Variants in GARS1 observed in about 807,000 individuals in gnomAD.
GARS1 encodes glycyl-tRNA synthetase 1.
GARS1 carries 46 observed loss-of-function variants against 86.4 expected under a neutral mutation model. That is an observed-to-expected ratio of 0.53 (90% CI 0.42 to 0.68). The LOEUF is 0.68. Among genes scored for constraint, GARS1 ranks in the 30% least tolerant of loss-of-function variants. GARS1 has a pLI of 0.00. For synonymous variants in GARS1, 342 were observed against 329.8 expected (o/e 1.04, Z -0.40); for missense variants, 797 against 915.6 (o/e 0.87, Z 1.67).
In GARS1 at chr7:30,621,759, G is replaced by A. The variant is rs915172546; in HGVS notation, c.1467+259G>A. 11 of 550,806 alleles carry A rather than the reference G, an allele frequency of 2.0e-5. No individual in the cohort carries two copies. The South Asian group carries it at 2.0e-4, about 10-fold the overall frequency. 34.1% of individuals were successfully genotyped at this position (550,806 alleles called of 1,614,324 possible). On this transcript the variant is annotated intron_variant, in intron 11 of 16. Coordinates refer to ENST00000389266, the MANE Select transcript of GARS1 (RefSeq NM_002047.4). ...AAATGCTCTGAATATCTTTCAGAAC[G>A]TTAATAGTTTTTCTCAGCTGTTTCC...
At chr7:30,631,161 T>A (rs1033177824) in intron 14 of GARS1, 4 of 340,556 alleles carry the variant, frequency 1.2e-5, no homozygotes, top group Non-Finnish European at 2.3e-5. Flanking sequence ...GTAACGGGCT[T>A]GTGAAGCAAG....
At chr7:30,614,928 G>C (rs185384468) in intron 8 of GARS1, among the ~76,000 whole-genome samples, 1 of 151,998 alleles carries the variant, frequency 6.6e-6, no homozygotes, top group East Asian at 1.9e-4. Flanking sequence ...GTATTTTTAG[G>C]ATCCATTTAA....
In GARS1 at chr7:30,601,051, T is replaced by C; in HGVS notation, c.428-8T>C. The C allele has an allele frequency of 6.2e-7, 1 of 1,613,746 alleles. No individual in the cohort carries two copies. Among genetic ancestry groups the C allele is most frequent in the Non-Finnish European group, 8.5e-7 (1 of 1,179,644 alleles). Reference sequence around the variant, plus strand: ...GTAAAGTATGTGTTTTCCTCTCATATTCTATAGGTGTTAGTGGTCTGTATG... The same window carrying C: ...GTAAAGTATGTGTTTTCCTCTCATACTCTATAGGTGTTAGTGGTCTGTATG... On this transcript the variant is annotated splice_polypyrimidine_tract_variant and splice_region_variant and intron_variant, in intron 3 of 16. Coordinates refer to ENST00000389266, the MANE Select transcript of GARS1 (RefSeq NM_002047.4).
chr7:30,597,312 T>C (rs75859574), intron 1 of GARS1, among the ~76,000 whole-genome samples: 1 of 152,332 alleles, frequency 6.6e-6, no homozygotes, highest in East Asian at 1.9e-4. Context: ...ATAGATTTAT[T>C]CTGACAGTAC....
At chr7:30,596,914 C>T (rs1341104377) in intron 1 of GARS1, among the ~76,000 whole-genome samples, 2 of 152,176 alleles carry the variant, frequency 1.3e-5, no homozygotes. Context: ...CAATTGAAAA[C>T]CTTTCCGGAG....
Position 30,598,913 on chromosome 7 carries a change from C to G in GARS1, c.324+16C>G, listed in dbSNP as rs1348124819. On this transcript the variant is annotated intron_variant, in intron 2 of 16. Coordinates refer to ENST00000389266, the MANE Select transcript of GARS1 (RefSeq NM_002047.4). ...GGAAGCAAAGGTGAGTCCTGGGATG[C>G]TAAAATAGGAACATAAGTAGGTATA... 1 of 1,583,060 alleles carries G rather than the reference C, an allele frequency of 6.3e-7. No individual in the cohort carries two copies. Among genetic ancestry groups the G allele is most frequent in the East Asian group, 2.2e-5 (1 of 44,712 alleles).
chr7:30,603,642 G>A, intron 6 of GARS1, 70 bp downstream of exon 6: 1 of 1,104,636 alleles, frequency 9.1e-7, no homozygotes, highest in Non-Finnish European at 1.4e-6. Flanking sequence ...TTTAATGACT[G>A]TTGCATTTCC....
At chr7:30,600,842 C>T (rs913094884) in intron 3 of GARS1, among the ~76,000 whole-genome samples, 8 of 152,206 alleles carry the variant, frequency 5.3e-5, no homozygotes, top group African/African-American at 1.9e-4. Context: ...GCTAGTCCTA[C>T]TTGAAATTAC....
Position 30,621,419 on chromosome 7 carries a change from T to G in GARS1, c.1386T>G (p.Ala462=). 6.2e-7 allele frequency: 1 copy of G among 1,614,196 alleles called. No homozygotes were observed. The highest frequency in any genetic ancestry group is 8.5e-7 in the Non-Finnish European group (1 of 1,180,006). The part of the protein sequence containing the change: ...SYGWIEIVGC[A]DRSCYDLSCH... ...GTTGGATTGAGATTGTTGGATGTGC[T>G]GATCGTTCCTGTTATGACCTCTCCT... is the stretch of plus-strand genomic sequence containing the variant. The change falls in exon 11 of 17, where the codon GCT becomes GCG. Residue 462 remains alanine, a synonymous_variant. Transcript: ENST00000389266.
In GARS1 at chr7:30,599,986, G is replaced by A. The variant is rs1296300317; in HGVS notation, c.364G>A (p.Ala122Thr). Residue 122 changes from alanine to threonine, a missense_variant, in exon 3 of 17, where the codon GCA becomes ACA. Ala to Thr is a moderately conservative substitution (Grantham distance 58, BLOSUM62 0). Coordinates refer to ENST00000389266, the MANE Select transcript of GARS1 (RefSeq NM_002047.4). ...GCCCAAAGATGATATTGTAGACCGA[G>A]CAAAAATGGAAGATACCCTGAAGAG... ...LQPKDDIVDR[A>T]KMEDTLKRRF... 7 of 1,613,716 alleles carry A rather than the reference G, an allele frequency of 4.3e-6. No individual in the cohort carries two copies. Among genetic ancestry groups the A allele is most frequent in the East Asian group, 2.2e-5 (1 of 44,868 alleles).
chr7:30,600,516 A>G (rs920416348), intron 3 of GARS1, among the ~76,000 whole-genome samples: 1 of 152,232 alleles, frequency 6.6e-6, no homozygotes, highest in Non-Finnish European at 1.5e-5. Context: ...GAAGGTATAT[A>G]GGCAAATACA....
At chr7:30,633,366 C>T (rs1001540652) in intron 16 of GARS1, among the ~76,000 whole-genome samples, 4 of 152,236 alleles carry the variant, frequency 2.6e-5, no homozygotes, top group Non-Finnish European at 5.9e-5. Flanking sequence ...AGAACCATTG[C>T]TGTGTGGCAG....
chr7:30,612,780 C>T (rs1046681501), intron 8 of GARS1, among the ~76,000 whole-genome samples: 4 of 152,148 alleles, frequency 2.6e-5, no homozygotes, highest in Non-Finnish European at 5.9e-5. Flanking sequence ...CAAGCTTACC[C>T]TCATCACTCA....
At chr7:30,618,619 G>C (rs565434784) in intron 10 of GARS1, among the ~76,000 whole-genome samples, 1 of 152,200 alleles carries the variant, frequency 6.6e-6, no homozygotes, top group African/African-American at 2.4e-5. Flanking sequence ...GGGTGACAGA[G>C]TGAGGCCCTG....
At chr7:30,595,292 C>A (rs188159858) in intron 1 of GARS1, 149 bp downstream of exon 1, 4 of 814,280 alleles carry the variant, frequency 4.9e-6, no homozygotes, top group Admixed American at 4.3e-5. Flanking sequence ...TCGCCTCCCC[C>A]ACTTTGGTCC....
At position 30,628,677 on chromosome 7, in the gene GARS1, G is replaced by A. The variant is rs766137918; in HGVS notation, c.1809+8G>A. On this transcript the variant is annotated splice_region_variant and intron_variant, in intron 14 of 16. Coordinates refer to ENST00000389266, the MANE Select transcript of GARS1 (RefSeq NM_002047.4). Reference sequence around the variant, plus strand: ...GGAGATGAACAGAGAACAGTAAGTTGTTGTGTACAGTGTGCTGTTATAGTG... The same window carrying A: ...GGAGATGAACAGAGAACAGTAAGTTATTGTGTACAGTGTGCTGTTATAGTG... The A allele has an allele frequency of 1.9e-6, 3 of 1,559,972 alleles. No homozygotes were observed. The highest frequency in any genetic ancestry group is 1.7e-5 in the Admixed American group (1 of 59,886).
At chr7:30,618,399 C>T (rs761787260) in intron 10 of GARS1, among the ~76,000 whole-genome samples, 14 of 151,966 alleles carry the variant, frequency 9.2e-5, no homozygotes, top group Non-Finnish European at 2.1e-4. Flanking sequence ...TTTGGGAGGC[C>T]GAGGTGGGAA....
chr7:30,615,462 T>A (rs1782873007), intron 8 of GARS1, among the ~76,000 whole-genome samples: 1 of 152,252 alleles, frequency 6.6e-6, no homozygotes, highest in Non-Finnish European at 1.5e-5. Context: ...ATGTGATTTT[T>A]GCGTATGTTT....
Position 30,601,081 on chromosome 7 carries a change from T to C in GARS1, c.450T>C (p.Phe150=), listed in dbSNP as rs751505742. The C allele has an allele frequency of 3.1e-6, 5 of 1,614,084 alleles. No individual in the cohort carries two copies. In the South Asian group the frequency reaches 5.5e-5, roughly 18 times the overall value. Residue 150 remains phenylalanine, a synonymous_variant, in exon 4 of 17, where the codon TTT becomes TTC. Transcript: ENST00000389266. ...TAGGTGTTAGTGGTCTGTATGACTT[T>C]GGGCCAGTTGGCTGTGCTTTGAAGA... ...IYGGVSGLYD[F]GPVGCALKNN...
Sources: gnomAD v4.1 joint callset for allele counts (sites outside exome capture counted in the v4.1 genomes callset) on GRCh38, gnomAD v4.1.1 for gene constraint, MANE v1.5 for transcripts, NCBI Gene and HGNC (gene_info 2026-07-23, HGNC 2026-07-21) for gene names.